The following AHI1 variants were observed in gnomAD, a reference collection of about 807,000 sequenced individuals.
AHI1 encodes the protein jouberin.
A neutral mutation model predicts 149.3 loss-of-function variants in AHI1; 123 were observed. The ratio of observed to expected loss-of-function variants is 0.82; its 90% CI spans 0.71 to 0.96. The LOEUF is 0.96. Among genes scored for constraint, AHI1 ranks in the 40% least tolerant of loss-of-function variants. The pLI is 0.00. For missense variants in AHI1, 1,439 were observed against 1,422.7 expected (o/e 1.01, Z -0.18); for synonymous variants, 475 against 459.8 (o/e 1.03, Z -0.42).
At chr6:135,492,358 A>G in intron 3 of AHI1, 67 bp from the exon 4 acceptor site, 1 of 1,456,942 alleles carries the variant, frequency 6.9e-7, no homozygotes, top group Admixed American at 2.5e-5. Context: ...AACGTTCTTC[A>G]CACAAGATCA....
intron 24 of AHI1, among the ~76,000 whole-genome samples, chr6:135,328,009 A>G (rs778583186): frequency 1.3e-5 from 2 of 152,140 alleles, no homozygotes; most frequent in African/African-American, 2.4e-5. Flanking sequence ...AATTAAGTGA[A>G]CTGGAAGAGG....
At chr6:135,336,815 G>A (rs1304901327) in intron 24 of AHI1, among the ~76,000 whole-genome samples, 1 of 152,020 alleles carries the variant, frequency 6.6e-6, no homozygotes, top group African/African-American at 2.4e-5. Flanking sequence ...ATATATTTAG[G>A]AATATAGGTA....
chr6:135,418,063 A>T (rs1782642720), intron 20 of AHI1, among the ~76,000 whole-genome samples: 1 of 151,950 alleles, frequency 6.6e-6, no homozygotes, highest in Non-Finnish European at 1.5e-5. Context: ...TTTTGTGTTA[A>T]TTTAACTTTG....
At chr6:135,486,435 CTTG>C (rs1405158147) in intron 5 of AHI1, among the ~76,000 whole-genome samples, 1 of 151,898 alleles carries the variant, frequency 6.6e-6, no homozygotes, top group Admixed American at 6.6e-5. Context: ...AGCTTTTTTC[CTTG>C]TTATTTTTAT....
intron 20 of AHI1, among the ~76,000 whole-genome samples, chr6:135,419,619 T>C (rs1782867380): frequency 6.6e-6 from 1 of 152,190 alleles, no homozygotes; most frequent in Admixed American, 6.6e-5. Context: ...AACTATTTTA[T>C]TGCTAAAAAA....
intron 20 of AHI1, among the ~76,000 whole-genome samples, chr6:135,413,445 G>A (rs903545652): frequency 2.6e-5 from 4 of 151,116 alleles, no homozygotes; most frequent in Non-Finnish European, 4.4e-5. Flanking sequence ...TCTGCTGCTT[G>A]AAACTACCAA....
At position 135,491,127 on chromosome 6, in the gene AHI1, T is replaced by G. The variant is rs541474288; in HGVS notation, c.11-380A>C. Among the ~76,000 whole-genome samples the G allele has an allele frequency of 4.6e-5, 7 of 152,346 alleles. No homozygotes were observed. The East Asian group carries it at 7.7e-4, about 17-fold the overall frequency. ...AATTATCTTATGCCAAAGATCATTT[T>G]GCATGAAAAATGGCTAAGGTGTGCC... On this transcript the variant is annotated intron_variant, in intron 4 of 28. Transcript: ENST00000265602.
intron 24 of AHI1, among the ~76,000 whole-genome samples, chr6:135,329,766 T>C (rs1480360813): frequency 6.6e-6 from 1 of 152,206 alleles, no homozygotes; most frequent in Admixed American, 6.5e-5. Context: ...GTTGAAAACC[T>C]TCTGGAAAGG....
At chr6:135,341,166 A>T (rs1429112784) in intron 24 of AHI1, among the ~76,000 whole-genome samples, 1 of 152,072 alleles carries the variant, frequency 6.6e-6, no homozygotes, top group African/African-American at 2.4e-5. Context: ...AAAAGCAGAG[A>T]TTATCAGAAT....
At chr6:135,321,338 C>G (rs1373214773) in intron 25 of AHI1, among the ~76,000 whole-genome samples, 2 of 152,138 alleles carry the variant, frequency 1.3e-5, no homozygotes, top group African/African-American at 4.8e-5. Flanking sequence ...AACAGCTACA[C>G]AGAAGACATT....
In AHI1 at chr6:135,395,003, G is replaced by A. The variant is rs1365009087; in HGVS notation, c.2989-107C>T. On this transcript the variant is annotated intron_variant, in intron 22 of 28. Transcript: ENST00000265602. Reference sequence around the variant, plus strand: ...ATTATACAAACCAGGACACATGATAGGTCAAAAGGAGTGGTAATGATGTAC... The same window carrying A: ...ATTATACAAACCAGGACACATGATAAGTCAAAAGGAGTGGTAATGATGTAC... The A allele has an allele frequency of 4.4e-6, 5 of 1,130,868 alleles. No individual in the cohort carries two copies. In the Admixed American group the frequency reaches 1.2e-4, roughly 27 times the overall value. 70.1% of individuals were successfully genotyped at this position (1,130,868 alleles called of 1,614,324 possible).
intron 24 of AHI1, among the ~76,000 whole-genome samples, chr6:135,331,533 A>G (rs1788591916): frequency 6.6e-6 from 1 of 152,206 alleles, no homozygotes; most frequent in Admixed American, 6.5e-5. Context: ...TCAAGGGATT[A>G]AATATTATTA....
intron 26 of AHI1, among the ~76,000 whole-genome samples, chr6:135,303,008 A>G (rs976186397): frequency 2.0e-5 from 3 of 152,240 alleles, no homozygotes; most frequent in Non-Finnish European, 1.5e-5. Context: ...AAAAACGAGC[A>G]AAGAAAAAGT....
At chr6:135,430,096 TC>T in intron 17 of AHI1, 96 bp from the exon 18 acceptor site, 1 of 681,786 alleles carries the variant, frequency 1.5e-6, no homozygotes, top group Non-Finnish European at 2.5e-6. Flanking sequence ...CATTTCCAAT[TC>T]CACTGTATAG....
At chr6:135,471,261 C>T (rs1791646193) in intron 5 of AHI1, among the ~76,000 whole-genome samples, 1 of 152,180 alleles carries the variant, frequency 6.6e-6, no homozygotes, top group Non-Finnish European at 1.5e-5. Context: ...AGCCTTTGCA[C>T]TAATAACATT....
chr6:135,348,069 C>A (rs186292658), intron 24 of AHI1, among the ~76,000 whole-genome samples: 141 of 152,268 alleles, frequency 9.3e-4, no homozygotes, highest in African/African-American at 3.2e-3. Context: ...GGCCGTGTGG[C>A]TATCTCTGTC....
At chr6:135,362,949 AGT>A (rs1794141383) in intron 23 of AHI1, among the ~76,000 whole-genome samples, 1 of 151,782 alleles carries the variant, frequency 6.6e-6, no homozygotes, top group Non-Finnish European at 1.5e-5. Context: ...AATGTCTAGT[AGT>A]GTTTTTCCAA....
At position 135,335,851 on chromosome 6, in the gene AHI1, G is replaced by A. The variant is rs530146437; in HGVS notation, c.3166-12527C>T. Among the ~76,000 whole-genome samples the A allele has an allele frequency of 7.2e-5, 11 of 152,110 alleles. No individual in the cohort carries two copies. The South Asian group carries it at 1.9e-3, about 26-fold the overall frequency. Reference sequence around the variant, plus strand: ...TTAGAAATATATAAACAGGACCGGCGTGGTGGCTCACGCCTGTAATCCCAA... The same window carrying A: ...TTAGAAATATATAAACAGGACCGGCATGGTGGCTCACGCCTGTAATCCCAA... On this transcript the variant is annotated intron_variant, in intron 24 of 28. Coordinates refer to ENST00000265602, the MANE Select transcript of AHI1 (RefSeq NM_001134831.2).
At chr6:135,465,252 CAT>C (rs1278483983) in intron 7 of AHI1, among the ~76,000 whole-genome samples, 2 of 151,982 alleles carry the variant, frequency 1.3e-5, no homozygotes, top group African/African-American at 4.8e-5. Flanking sequence ...AAATAGAAAA[CAT>C]ATAAATATGT....
Sources: allele counts gnomAD v4.1 joint callset (sites outside exome capture counted in the v4.1 genomes callset), GRCh38; gene constraint gnomAD v4.1.1; transcripts MANE v1.5; gene names NCBI Gene and HGNC (gene_info 2026-07-23, HGNC 2026-07-21).